Variants in INPP4B observed in about 807,000 individuals in gnomAD.
The protein encoded by INPP4B is inositol polyphosphate 4-phosphatase type II.
Under a neutral mutation model 122.5 loss-of-function variants are expected in INPP4B, and 55 were observed. That is an observed-to-expected ratio of 0.45 (90% CI 0.36 to 0.56). INPP4B has a LOEUF of 0.56. Among genes scored for constraint, INPP4B ranks in the 20% least tolerant of loss-of-function variants. The pLI, the probability that INPP4B is intolerant of heterozygous loss-of-function variation, is 0.00. For synonymous variants in INPP4B, 403 were observed against 388.7 expected (o/e 1.04, Z -0.43); for missense variants, 1,000 against 1,097.7 (o/e 0.91, Z 1.26).
chr4:142,445,195 A>G (rs1261188984), intron 3 of INPP4B, among the ~76,000 whole-genome samples: 1 of 152,200 alleles, frequency 6.6e-6, no homozygotes, highest in African/African-American at 2.4e-5. Flanking sequence ...AAAAGAAAAA[A>G]AAATTATCCA....
At chr4:142,434,099 G>A (rs1809909473) in intron 3 of INPP4B, among the ~76,000 whole-genome samples, 1 of 152,128 alleles carries the variant, frequency 6.6e-6, no homozygotes, top group South Asian at 2.1e-4. Flanking sequence ...TAGAGACCGA[G>A]ACGTGATATT....
intron 1 of INPP4B, among the ~76,000 whole-genome samples, chr4:142,750,909 G>A (rs968142241): frequency 5.9e-5 from 9 of 152,058 alleles, no homozygotes; most frequent in Admixed American, 1.3e-4. Context: ...GGATAACCTA[G>A]AAACAGGTAG....
chr4:142,132,547 C>T (rs1801844368), intron 18 of INPP4B, among the ~76,000 whole-genome samples: 1 of 152,152 alleles, frequency 6.6e-6, no homozygotes, highest in South Asian at 2.1e-4. Flanking sequence ...CTACATGATA[C>T]TTTGCACTCG....
At chr4:142,439,959 T>G (rs1811332455) in intron 3 of INPP4B, among the ~76,000 whole-genome samples, 1 of 152,224 alleles carries the variant, frequency 6.6e-6, no homozygotes, top group African/African-American at 2.4e-5. Flanking sequence ...CCCTAGTAAC[T>G]TATCTCACAT....
At chr4:142,326,593 T>A (rs1395843213) in intron 7 of INPP4B, among the ~76,000 whole-genome samples, 1 of 152,112 alleles carries the variant, frequency 6.6e-6, no homozygotes, top group Non-Finnish European at 1.5e-5. Flanking sequence ...TCTCTACCAC[T>A]TCAATAAGCA....
intron 1 of INPP4B, among the ~76,000 whole-genome samples, chr4:142,750,040 A>T (rs1190055805): frequency 2.7e-5 from 4 of 147,930 alleles, no homozygotes; most frequent in African/African-American, 9.7e-5. Flanking sequence ...ATTTTAATAT[A>T]AAAAAAGTAT....
intron 7 of INPP4B, among the ~76,000 whole-genome samples, chr4:142,393,241 T>TA (rs966934448): frequency 2.7e-4 from 40 of 147,886 alleles, no homozygotes; most frequent in East Asian, 1.4e-3. Flanking sequence ...AAGGGGAAAT[T>TA]AAAAAAAAAA....
intron 7 of INPP4B, among the ~76,000 whole-genome samples, chr4:142,339,260 C>T (rs543197194): frequency 6.6e-6 from 1 of 152,132 alleles, no homozygotes; most frequent in Non-Finnish European, 1.5e-5. Context: ...TTTGCAAGTG[C>T]CGTCTGTTTG....
At chr4:142,438,312 C>T (rs1163777050) in intron 3 of INPP4B, among the ~76,000 whole-genome samples, 2 of 152,082 alleles carry the variant, frequency 1.3e-5, no homozygotes, top group Admixed American at 6.5e-5. Context: ...TACTACAAGG[C>T]TATAGTAACC....
intron 1 of INPP4B, among the ~76,000 whole-genome samples, chr4:142,780,859 C>G (rs1003841706): frequency 1.2e-4 from 18 of 152,068 alleles, no homozygotes; most frequent in African/African-American, 3.4e-4. Context: ...TAGACTGAAT[C>G]CGATCTTAAT....
chr4:142,082,584 C>T (rs1235078691), intron 24 of INPP4B, among the ~76,000 whole-genome samples: 1 of 152,126 alleles, frequency 6.6e-6, no homozygotes, highest in Non-Finnish European at 1.5e-5. Context: ...AAACTATATT[C>T]CCTGGATCAA....
intron 14 of INPP4B, among the ~76,000 whole-genome samples, chr4:142,207,196 A>G (rs569895477): frequency 1.3e-5 from 2 of 152,120 alleles, no homozygotes; most frequent in Non-Finnish European, 2.9e-5. Context: ...CTTTTCACCC[A>G]TTGATGGACA....
intron 1 of INPP4B, among the ~76,000 whole-genome samples, chr4:142,762,580 G>T (rs1395038769): frequency 2.6e-5 from 4 of 152,106 alleles, no homozygotes; most frequent in Non-Finnish European, 5.9e-5. Flanking sequence ...ATTTGTCCAT[G>T]AATTTCCCTG....
Position 142,145,820 on chromosome 4 carries a change from G to T in INPP4B, c.1720+20C>A. 3 of 1,608,400 alleles carry T rather than the reference G, an allele frequency of 1.9e-6. No homozygotes were observed. Among genetic ancestry groups the T allele is most frequent in the Non-Finnish European group, 2.5e-6 (3 of 1,176,922 alleles). ...TTTTGTTTACTCAGTAAATGATTGG[G>T]AAAAAAAATTATTTCTTACCTCTTG... On this transcript the variant is annotated intron_variant, in intron 18 of 25. Transcript: ENST00000262992.
chr4:142,664,386 C>T (rs1002114432), intron 2 of INPP4B, among the ~76,000 whole-genome samples: 3 of 152,134 alleles, frequency 2.0e-5, no homozygotes, highest in Non-Finnish European at 2.9e-5. Flanking sequence ...TCACCCAAGT[C>T]TGGGCTGTCC....
chr4:142,438,090 T>C (rs188061748), intron 3 of INPP4B, among the ~76,000 whole-genome samples: 44 of 152,308 alleles, frequency 2.9e-4, no homozygotes, highest in African/African-American at 9.9e-4. Context: ...CGCTCATGGA[T>C]AGGAAGAATC....
intron 3 of INPP4B, among the ~76,000 whole-genome samples, chr4:142,449,652 A>G (rs1813713201): frequency 1.3e-5 from 2 of 151,948 alleles, no homozygotes; most frequent in African/African-American, 2.4e-5. Context: ...ATGAGTCGAG[A>G]TCGTGCCACT....
intron 2 of INPP4B, among the ~76,000 whole-genome samples, chr4:142,486,954 G>A (rs1393743410): frequency 3.3e-5 from 5 of 152,104 alleles, no homozygotes; most frequent in Admixed American, 6.6e-5. Context: ...CTATACTTAC[G>A]TGGTATGGTT....
rs143243776 is a variant in INPP4B at position 142,263,073 on chromosome 4, A to C, written c.616-2509T>G. On this transcript the variant is annotated intron_variant, in intron 10 of 25. Transcript: ENST00000262992. ...TCCAATACAACACAGATCTTAAACT[A>C]ATAGAAGAGGTAAGGCAGGGGCTGA... 3.9e-5 allele frequency among the ~76,000 whole-genome samples: 6 copies of C among 152,302 alleles called. No individual in the cohort carries two copies. In the East Asian group the frequency reaches 1.2e-3, roughly 29 times the overall value.
Sources: gnomAD v4.1 joint callset for allele counts (sites outside exome capture counted in the v4.1 genomes callset) on GRCh38, gnomAD v4.1.1 for gene constraint, MANE v1.5 for transcripts, NCBI Gene and HGNC (gene_info 2026-07-23, HGNC 2026-07-21) for gene names.